Variants in CRACD observed in about 807,000 individuals in gnomAD.
The protein encoded by CRACD is capping protein inhibiting regulator of actin dynamics.
CRACD carries 56 observed loss-of-function variants against 106.8 expected under a neutral mutation model. The observed-to-expected ratio is 0.52, with a 90% confidence interval of 0.42 to 0.66. The LOEUF (loss-of-function observed/expected upper bound fraction) is 0.66, where lower values mean the gene tolerates loss of function less well. Ranked by LOEUF, CRACD falls within the 30% of genes least tolerant of loss-of-function variation. The probability of loss-of-function intolerance (pLI) is 0.00; values close to 1 mark genes in which losing one functional copy is unlikely to be tolerated. For missense variants in CRACD, 1,730 were observed against 1,623.2 expected (o/e 1.07, Z -1.13); for synonymous variants, 754 against 670.8 (o/e 1.12, Z -1.92).
intron 1 of CRACD, among the ~76,000 whole-genome samples, chr4:56,086,590 C>G (rs919924367): frequency 6.6e-6 from 1 of 152,164 alleles, no homozygotes; most frequent in Non-Finnish European, 1.5e-5. Context: ...CCCTTCACCT[C>G]TTCCCTCATC....
Position 56,316,141 on chromosome 4 carries a change from A to T in CRACD, c.2639A>T (p.Asp880Val). The change falls in exon 8 of 11, where the codon GAT becomes GTT. Residue 880 changes from aspartate to valine, a missense_variant. Asp to Val is a radical substitution (Grantham distance 152). This residue lies in a region of CRACD where 1,620 missense variants were observed against 1,481.6 expected (regional missense o/e 1.09). Coordinates refer to ENST00000682029, the MANE Select transcript of CRACD (RefSeq NM_001393381.1). ...KRHSSTGDSA[D>V]AGPPAAGSAR... Reference sequence around the variant, plus strand: ...CACAGCAGCACCGGAGACAGCGCGGATGCAGGGCCGCCTGCAGCGGGGAGC... The same window carrying T: ...CACAGCAGCACCGGAGACAGCGCGGTTGCAGGGCCGCCTGCAGCGGGGAGC... The T allele has an allele frequency of 6.2e-7, 1 of 1,614,188 alleles. No homozygotes were observed. The highest frequency in any genetic ancestry group is 8.5e-7 in the Non-Finnish European group (1 of 1,180,036).
intron 1 of CRACD, among the ~76,000 whole-genome samples, chr4:56,087,617 T>C (rs1407119727): frequency 6.6e-6 from 1 of 152,210 alleles, no homozygotes; most frequent in Non-Finnish European, 1.5e-5. Context: ...TGCTTATTGC[T>C]GCCAAGTGTG....
At chr4:56,113,735 G>A (rs976638) in intron 1 of CRACD, among the ~76,000 whole-genome samples, 71,864 of 151,948 alleles carry the variant, frequency 0.47, 18,261 homozygotes, top group African/African-American at 0.66. Context: ...TCTTAGAGAT[G>A]GGAGTTGGGT....
At chr4:56,289,556 C>A (rs1743583355) in intron 3 of CRACD, among the ~76,000 whole-genome samples, 1 of 151,962 alleles carries the variant, frequency 6.6e-6, no homozygotes, top group Admixed American at 6.6e-5. Flanking sequence ...GCCTGTATTT[C>A]CAGCTACTTG....
At chr4:56,266,357 C>A (rs1742019205) in intron 2 of CRACD, among the ~76,000 whole-genome samples, 1 of 152,086 alleles carries the variant, frequency 6.6e-6, no homozygotes. Flanking sequence ...TGAGGCAAGT[C>A]CTCTTGTCTC....
intron 2 of CRACD, among the ~76,000 whole-genome samples, chr4:56,234,031 TC>T (rs1739804703): frequency 6.6e-6 from 1 of 152,150 alleles, no homozygotes; most frequent in Admixed American, 6.5e-5. Context: ...TATTGATGTA[TC>T]CTGCAATCTT....
chr4:56,125,998 C>T (rs1734651888), intron 1 of CRACD, among the ~76,000 whole-genome samples: 1 of 151,866 alleles, frequency 6.6e-6, no homozygotes, highest in South Asian at 2.1e-4. Flanking sequence ...TCTCGAACTC[C>T]TGAACTCAGG....
rs761980458 is a variant in CRACD at position 56,323,541 on chromosome 4, C to G, written c.3352C>G (p.Gln1118Glu). 20 of 1,588,470 alleles carry G rather than the reference C, an allele frequency of 1.3e-5. No homozygotes were observed. Among genetic ancestry groups the G allele is most frequent in the Admixed American group, 7.8e-5 (4 of 51,132 alleles). ...EERKQAREAK[Q>E]AEKLSKENVS... Reference sequence around the variant, plus strand: ...GAGAAAGCAAGCCAGAGAGGCCAAACAGGCAGAAAAGCTCTCCAAAGAAAA... The same window carrying G: ...GAGAAAGCAAGCCAGAGAGGCCAAAGAGGCAGAAAAGCTCTCCAAAGAAAA... The change falls in exon 9 of 11, where the codon CAG becomes GAG. Residue 1118 changes from glutamine to glutamate, a missense_variant. This residue lies in a region of CRACD where 1,620 missense variants were observed against 1,481.6 expected (regional missense o/e 1.09). Coordinates refer to ENST00000682029, the MANE Select transcript of CRACD (RefSeq NM_001393381.1).
intron 1 of CRACD, among the ~76,000 whole-genome samples, chr4:56,118,642 T>C (rs765428085): frequency 7.2e-5 from 11 of 152,192 alleles, no homozygotes; most frequent in Non-Finnish European, 1.5e-4. Flanking sequence ...TTTCTACCTA[T>C]AGTCCCAGCT....
chr4:56,069,833 G>A (rs1356916889), intron 1 of CRACD, among the ~76,000 whole-genome samples: 1 of 152,172 alleles, frequency 6.6e-6, no homozygotes, highest in Non-Finnish European at 1.5e-5. Context: ...GGAGGAATGA[G>A]AATCAATTAG....
chr4:56,123,494 A>T (rs970090489), intron 1 of CRACD, among the ~76,000 whole-genome samples: 15 of 152,198 alleles, frequency 9.9e-5, no homozygotes, highest in African/African-American at 2.7e-4. Context: ...CCATGATCTT[A>T]TCTAATCCCA....
At chr4:56,210,299 G>C (rs1053047114) in intron 2 of CRACD, among the ~76,000 whole-genome samples, 2 of 152,074 alleles carry the variant, frequency 1.3e-5, no homozygotes, top group Non-Finnish European at 2.9e-5. Context: ...GTGACTTGGG[G>C]GTTTGTGTAC....
intron 1 of CRACD, among the ~76,000 whole-genome samples, chr4:56,148,829 G>A (rs1735484235): frequency 6.7e-6 from 1 of 149,268 alleles, no homozygotes; most frequent in Non-Finnish European, 1.5e-5. Context: ...TTTTTCCGGG[G>A]CAGGGTGAGG....
chr4:56,073,599 A>G (rs1268878735), intron 1 of CRACD, among the ~76,000 whole-genome samples: 1 of 152,064 alleles, frequency 6.6e-6, no homozygotes, highest in East Asian at 1.9e-4. Context: ...GATTCTGCGT[A>G]TTAGCCTTTT....
In CRACD at chr4:56,098,831, C is replaced by T. The variant is rs35798357; in HGVS notation, c.-336+49532C>T. On this transcript the variant is annotated intron_variant, in intron 1 of 10. Coordinates refer to ENST00000682029, the MANE Select transcript of CRACD (RefSeq NM_001393381.1). ...CTCAGCCTCCAGGTGTGCACCACCA[C>T]GCCCGGCTAATTTTTGTATTTTTAG... 8.2e-3 allele frequency among the ~76,000 whole-genome samples: 1,245 copies of T among 152,194 alleles called. 6 individuals carry two copies. The highest frequency in any genetic ancestry group is 0.014 in the South Asian group (66 of 4,828).
Position 56,323,584 on chromosome 4 carries a change from T to A in CRACD, c.3378+17T>A. The A allele has an allele frequency of 6.6e-7, 1 of 1,525,976 alleles. No homozygotes were observed. The highest frequency in any genetic ancestry group is 1.3e-5 in the South Asian group (1 of 78,136). 94.5% of individuals were successfully genotyped at this position (1,525,976 alleles called of 1,614,324 possible). A position where few individuals can be genotyped will look rare whatever the true frequency, so the allele number is the denominator to read the frequency against. On this transcript the variant is annotated intron_variant, in intron 9 of 10. Transcript: ENST00000682029. ...AAAGAAAATGTGAGTAGCCTGGGCT[T>A]CAGCTGTGATTTTGCTTTCCTGAGC... is the stretch of plus-strand genomic sequence containing the variant.
At chr4:56,229,030 G>T (rs934798552) in intron 2 of CRACD, among the ~76,000 whole-genome samples, 3 of 152,144 alleles carry the variant, frequency 2.0e-5, no homozygotes, top group African/African-American at 2.4e-5. Flanking sequence ...CATACATAAG[G>T]TTCTCCACAA....
intron 1 of CRACD, among the ~76,000 whole-genome samples, chr4:56,150,764 C>A (rs1009483276): frequency 4.6e-5 from 7 of 152,162 alleles, no homozygotes; most frequent in African/African-American, 1.7e-4. Context: ...CATAAACAAT[C>A]GACCTAGTCT....
intron 1 of CRACD, among the ~76,000 whole-genome samples, chr4:56,089,261 G>A (rs935609743): frequency 6.6e-6 from 1 of 152,168 alleles, no homozygotes; most frequent in Non-Finnish European, 1.5e-5. Flanking sequence ...TTGTGTTGCT[G>A]CAGTCCCAGG....
Sources: gnomAD v4.1 joint callset for allele counts (sites outside exome capture counted in the v4.1 genomes callset) on GRCh38, gnomAD v4.1.1 for gene constraint, gnomAD v4.1.1 regional missense constraint, MANE v1.5 for transcripts, NCBI Gene and HGNC (gene_info 2026-07-23, HGNC 2026-07-21) for gene names.